Variants in SAMD5 observed in about 807,000 individuals in gnomAD.
SAMD5 encodes sterile alpha motif domain containing 5, also known as sterile alpha motif domain-containing protein 5.
Under a neutral mutation model 11.3 loss-of-function variants are expected in SAMD5, and 13 were observed. The observed-to-expected ratio is 1.15, with a 90% confidence interval of 0.75 to 1.83. SAMD5 has a LOEUF of 1.83. SAMD5 is among the 40% of genes most tolerant of loss of function. The pLI is 0.00. For missense variants in SAMD5, 255 were observed against 239.1 expected (o/e 1.07, Z -0.44); for synonymous variants, 129 against 111.3 (o/e 1.16, Z -1.00).
At chr6:147,719,160 A>T (rs1791510286) in intron 1 of SAMD5, among the ~76,000 whole-genome samples, 1 of 152,198 alleles carries the variant, frequency 6.6e-6, no homozygotes, top group Admixed American at 6.5e-5. Context: ...ATGCTCCCAG[A>T]GCTATTCTAG....
At chr6:147,842,810 T>C in the SAMD5 span, among the ~76,000 whole-genome samples, 2 of 152,220 alleles carry the variant, frequency 1.3e-5, no homozygotes, top group Non-Finnish European at 2.9e-5. Context: ...CCCATCACAT[T>C]TGAATTGATG....
the SAMD5 span, among the ~76,000 whole-genome samples, chr6:147,792,098 AG>A: frequency 6.6e-6 from 1 of 152,182 alleles, no homozygotes; most frequent in East Asian, 1.9e-4. Context: ...GGGGAATCTC[AG>A]GGTGGAATGC....
the SAMD5 span, chr6:147,953,840 T>A: frequency 6.6e-6 from 1 of 152,236 alleles, no homozygotes; most frequent in African/African-American, 2.4e-5. Context: ...ATTTTGCTGG[T>A]TGATGTACCA....
At chr6:147,839,244 G>A in the SAMD5 span, among the ~76,000 whole-genome samples, 5 of 152,208 alleles carry the variant, frequency 3.3e-5, no homozygotes, top group South Asian at 2.1e-4. Flanking sequence ...TTTTCTCATC[G>A]TCTTGAGACC....
At chr6:147,833,459 A>G in the SAMD5 span, among the ~76,000 whole-genome samples, 2 of 152,342 alleles carry the variant, frequency 1.3e-5, no homozygotes, top group South Asian at 2.1e-4. Context: ...ACTCTAAATT[A>G]TACGTTAGAC....
chr6:147,706,660 A>T (rs1791329084), intron 1 of SAMD5, among the ~76,000 whole-genome samples: 1 of 152,218 alleles, frequency 6.6e-6, no homozygotes, highest in African/African-American at 2.4e-5. Flanking sequence ...GTGAAGCCTG[A>T]CTTTTCTGGT....
the SAMD5 span, among the ~76,000 whole-genome samples, chr6:147,863,838 CTTTTTTTT>C: frequency 2.8e-3 from 258 of 90,922 alleles, 2 homozygotes; most frequent in African/African-American, 9.5e-3. Flanking sequence ...TTTCTTTCCA[CTTTTTTTT>C]TTTTTTTTTT....
At chr6:147,913,485 C>T in the SAMD5 span, among the ~76,000 whole-genome samples, 2 of 152,112 alleles carry the variant, frequency 1.3e-5, no homozygotes, top group South Asian at 4.1e-4. Flanking sequence ...CACCTGAGGT[C>T]AGGAGTTCGA....
chr6:147,863,964 G>A, the SAMD5 span, among the ~76,000 whole-genome samples: 8 of 150,240 alleles, frequency 5.3e-5, no homozygotes, highest in East Asian at 4.0e-4. Flanking sequence ...CTGCCTCAGC[G>A]TCCCGAGTAG....
At chr6:147,558,403 T>C (rs1235740832) in intron 1 of SAMD5, among the ~76,000 whole-genome samples, 12 of 152,222 alleles carry the variant, frequency 7.9e-5, no homozygotes, top group Admixed American at 7.2e-4. Context: ...TGTTCTGGGC[T>C]TGTGCTGCGT....
At chr6:147,800,916 A>C in the SAMD5 span, among the ~76,000 whole-genome samples, 47 of 152,312 alleles carry the variant, frequency 3.1e-4, no homozygotes, top group East Asian at 6.4e-3. Flanking sequence ...TAAAGTAAAT[A>C]AAAATTTATT....
chr6:147,897,764 G>A, the SAMD5 span, among the ~76,000 whole-genome samples: 6 of 151,806 alleles, frequency 4.0e-5, no homozygotes, highest in Non-Finnish European at 7.4e-5. Flanking sequence ...GGCCAACATG[G>A]TGCAACCCTG....
intron 1 of SAMD5, among the ~76,000 whole-genome samples, chr6:147,701,255 G>A (rs1791249010): frequency 6.6e-6 from 1 of 152,070 alleles, no homozygotes. Flanking sequence ...ACTGATATAA[G>A]CATAATATAT....
At chr6:147,817,170 C>G in the SAMD5 span, among the ~76,000 whole-genome samples, 119 of 152,206 alleles carry the variant, frequency 7.8e-4, 1 homozygote, top group South Asian at 8.3e-4. Flanking sequence ...GCATTTCTAC[C>G]ATGATGTAAA....
chr6:147,651,811 G>T (rs1790489248), intron 1 of SAMD5, among the ~76,000 whole-genome samples: 2 of 152,148 alleles, frequency 1.3e-5, no homozygotes, highest in Non-Finnish European at 2.9e-5. Context: ...AGAGAATATG[G>T]GAGCTGTGAG....
chr6:147,651,966 G>A lies in SAMD5; in HGVS notation c.163-85351G>A, dbSNP rs545290859. Among the ~76,000 whole-genome samples, 34 of 148,546 alleles carry A rather than the reference G, an allele frequency of 2.3e-4. No individual in the cohort carries two copies. The East Asian group carries it at 2.8e-3, about 12-fold the overall frequency. ...GTCCCACAGCTCAACACCAACCCCC[G>A]CATTCAGCCTCTTACCAGCCAGGCC... On this transcript the variant is annotated intron_variant, in intron 1 of 1. Coordinates refer to the SAMD5 transcript ENST00000566741.
At chr6:147,758,549 G>T in the SAMD5 span, among the ~76,000 whole-genome samples, 1 of 152,192 alleles carries the variant, frequency 6.6e-6, no homozygotes, top group African/African-American at 2.4e-5. Flanking sequence ...GAGCTGGATT[G>T]TTCATTTTGC....
Position 147,508,867 on chromosome 6 carries a change from G to C in SAMD5, c.-62G>C. The C allele has an allele frequency of 6.4e-7, 1 of 1,564,732 alleles. No individual in the cohort carries two copies. The highest frequency in any genetic ancestry group is 8.6e-7 in the Non-Finnish European group (1 of 1,158,294). ...GAGAGGATTAAAAGTTCCAAGAACTGGTGCCGCCCGTGCCATTTGGGCGCT... is the reference window on the plus strand; with the variant it reads ...GAGAGGATTAAAAGTTCCAAGAACTCGTGCCGCCCGTGCCATTTGGGCGCT... On this transcript the variant is annotated 5_prime_UTR_variant, in exon 1 of 2. Coordinates refer to ENST00000367474, the MANE Select transcript of SAMD5 (RefSeq NM_001030060.3).
At chr6:147,704,294 G>A (rs1791296140) in intron 1 of SAMD5, among the ~76,000 whole-genome samples, 2 of 151,798 alleles carry the variant, frequency 1.3e-5, no homozygotes, top group African/African-American at 4.8e-5. Flanking sequence ...AGGCATACAG[G>A]CGCCCTCAAC....
Sources: gnomAD v4.1 joint callset for allele counts (sites outside exome capture counted in the v4.1 genomes callset) on GRCh38, gnomAD v4.1.1 for gene constraint, MANE v1.5 for transcripts, NCBI Gene and HGNC (gene_info 2026-07-23, HGNC 2026-07-21) for gene names.